Variants in SYNRG observed in about 807,000 individuals in gnomAD.
The protein encoded by SYNRG is AP1 gamma subunit binding protein 1.
SYNRG carries 37 observed loss-of-function variants against 130.9 expected under a neutral mutation model. The ratio of observed to expected loss-of-function variants is 0.28; its 90% CI spans 0.22 to 0.37. The LOEUF (loss-of-function observed/expected upper bound fraction) is 0.37. Ranked by LOEUF, SYNRG falls within the 10% of genes least tolerant of loss-of-function variation. The pLI, the probability that SYNRG is intolerant of heterozygous loss-of-function variation, is 1.00. For missense variants in SYNRG, 1,338 were observed against 1,588.9 expected (o/e 0.84, Z 2.68); for synonymous variants, 539 against 568.1 (o/e 0.95, Z 0.73).
chr17:37,530,736 G>A (rs917416286), intron 19 of SYNRG, among the ~76,000 whole-genome samples: 3 of 152,188 alleles, frequency 2.0e-5, no homozygotes, highest in African/African-American at 7.2e-5. Flanking sequence ...AGGATAAGTA[G>A]TAAACTACCC....
At position 37,568,924 on chromosome 17, in the gene SYNRG, C is replaced by A. The variant is rs1229006522; in HGVS notation, c.1348G>T (p.Val450Leu). The A allele has an allele frequency of 8.1e-6, 13 of 1,611,858 alleles. No individual in the cohort carries two copies. Among genetic ancestry groups the A allele is most frequent in the Non-Finnish European group, 1.1e-5 (13 of 1,179,146 alleles). ...GFIPTYPANQ[V>L]VKPEEDDFQD... ...AAGTCATCTTCTTCTGGCTTTACTA[C>A]CTAGGTTTATAAAGGTCATTTAAAT... is the stretch of plus-strand genomic sequence containing the variant. Residue 450 changes from valine (V) to leucine (L), a missense_variant and splice_region_variant, in exon 11 of 22, where the codon GTA (valine) becomes TTA (leucine). Val to Leu is a conservative substitution (Grantham distance 32). Around this residue, in one of 3 missense-constraint regions of SYNRG, gnomAD observed 1,146 missense variants for 1,342.3 expected, o/e 0.85. Transcript: ENST00000612223.
At chr17:37,556,650 A>G (rs575140632) in intron 13 of SYNRG, among the ~76,000 whole-genome samples, 1 of 152,210 alleles carries the variant, frequency 6.6e-6, no homozygotes, top group Admixed American at 6.5e-5. Context: ...GAATTCATCT[A>G]ATAAGAGAGG....
intron 14 of SYNRG, among the ~76,000 whole-genome samples, chr17:37,545,079 C>G (rs2058153842): frequency 6.6e-6 from 1 of 151,860 alleles, no homozygotes; most frequent in South Asian, 2.1e-4. Context: ...ATTAGCTGGG[C>G]ATGGTGGTGC....
chr17:37,531,318 A>G (rs1383823131), intron 19 of SYNRG, among the ~76,000 whole-genome samples: 1 of 152,200 alleles, frequency 6.6e-6, no homozygotes, highest in Non-Finnish European at 1.5e-5. Flanking sequence ...AGAAGTGGGC[A>G]AGGGTAACAA....
chr17:37,605,694 TTAA>T, intron 1 of SYNRG: 1 of 353,924 alleles, frequency 2.8e-6, no homozygotes, highest in Non-Finnish European at 4.0e-6. Flanking sequence ...AGTTAAGGCA[TTAA>T]TAAGACAGTA....
Position 37,553,759 on chromosome 17 carries a change from A to C in SYNRG, c.1964T>G (p.Met655Arg). ...AGTTTTTGTTGCTGCCAATGCTGTC[A>C]TAGTAGCAGCAGAACCTGTTGACTG... ...TPQSTGSAAT[M>R]TALAATKTSS... The change falls in exon 14 of 22, where the codon ATG (methionine) becomes AGG (arginine). Residue 655 changes from methionine (M) to arginine (R), a missense_variant. Met to Arg is a moderately conservative substitution (Grantham distance 91, BLOSUM62 -1). Coordinates refer to ENST00000612223, the MANE Select transcript of SYNRG (RefSeq NM_007247.6). 1 of 1,612,646 alleles carries C rather than the reference A, an allele frequency of 6.2e-7. No homozygotes were observed. Among genetic ancestry groups the C allele is most frequent in the Non-Finnish European group, 8.5e-7 (1 of 1,179,722 alleles).
chr17:37,550,245 T>C (rs1269460828), intron 14 of SYNRG, among the ~76,000 whole-genome samples: 1 of 152,212 alleles, frequency 6.6e-6, no homozygotes, highest in Non-Finnish European at 1.5e-5. Context: ...TCATGTAAAG[T>C]AGTGTAAGGT....
intron 18 of SYNRG, 115 bp from the exon 19 acceptor site, chr17:37,536,242 G>C (rs2057182804): frequency 3.2e-6 from 4 of 1,238,324 alleles, no homozygotes; most frequent in Non-Finnish European, 3.3e-6. Flanking sequence ...TATCTGGACA[G>C]AGGTGTACTT....
chr17:37,580,746 G>A (rs113432163), intron 6 of SYNRG, among the ~76,000 whole-genome samples: 2 of 152,092 alleles, frequency 1.3e-5, no homozygotes, highest in East Asian at 3.9e-4. Context: ...TTTTGGCCAG[G>A]CTGGTCTTGA....
chr17:37,520,734 G>GC (rs2054910968), intron 19 of SYNRG, 86 bp from the exon 20 acceptor site: 1 of 1,116,556 alleles, frequency 9.0e-7, no homozygotes, highest in Non-Finnish European at 1.4e-6. Context: ...CCCCCAGCAG[G>GC]CCTAGCGGCA....
intron 1 of SYNRG, among the ~76,000 whole-genome samples, chr17:37,604,555 C>T (rs534118891): frequency 1.8e-4 from 27 of 152,342 alleles, no homozygotes; most frequent in Admixed American, 1.8e-3. Flanking sequence ...CCAGACCACT[C>T]ACCCTTTTTC....
chr17:37,587,396 A>C lies in SYNRG; in HGVS notation c.241-847T>G, dbSNP rs529625194. Among the ~76,000 whole-genome samples, 3 of 152,264 alleles carry C rather than the reference A, an allele frequency of 2.0e-5. No homozygotes were observed. The South Asian group carries it at 6.2e-4, about 32-fold the overall frequency. On this transcript the variant is annotated intron_variant, in intron 3 of 21. Coordinates refer to ENST00000612223, the MANE Select transcript of SYNRG (RefSeq NM_007247.6). ...TGAGTGAAAACTCTTCTACTACTCA[A>C]CCTTCTCCCTGAAAAGTTCCTCTTC...
chr17:37,564,592 A>T (rs1202048487), intron 11 of SYNRG, among the ~76,000 whole-genome samples: 2 of 152,210 alleles, frequency 1.3e-5, no homozygotes, highest in Non-Finnish European at 2.9e-5. Flanking sequence ...AATGTTCTCC[A>T]TCCCGGTCTA....
At chr17:37,587,051 GA>G (rs2061745586) in intron 3 of SYNRG, among the ~76,000 whole-genome samples, 1 of 152,106 alleles carries the variant, frequency 6.6e-6, no homozygotes, top group Non-Finnish European at 1.5e-5. Flanking sequence ...AACTTTTATA[GA>G]AAATGACACA....
At chr17:37,541,403 G>A in intron 15 of SYNRG, 1 of 279,252 alleles carries the variant, frequency 3.6e-6, no homozygotes, top group South Asian at 1.3e-4. Flanking sequence ...CCTACAGGGA[G>A]TGGTGCTCTT....
chr17:37,570,639 G>T lies in SYNRG; in HGVS notation c.1345C>A (p.Gln449Lys). 1 of 1,609,882 alleles carries T rather than the reference G, an allele frequency of 6.2e-7. No homozygotes were observed. Among genetic ancestry groups the T allele is most frequent in the South Asian group, 1.1e-5 (1 of 90,570 alleles). ...ATATGCACAGCTTCGCCATTTACCT[G>T]ATTTGCAGGGTAGGTTGGTATGAAA... is the stretch of plus-strand genomic sequence containing the variant. ...SGFIPTYPAN[Q>K]VVKPEEDDFQ... The change falls in exon 10 of 22, where the codon CAG becomes AAG. Residue 449 changes from glutamine (Q) to lysine (K), a missense_variant and splice_region_variant. Gln to Lys is a moderately conservative substitution (Grantham distance 53). Coordinates refer to ENST00000612223, the MANE Select transcript of SYNRG (RefSeq NM_007247.6).
chr17:37,553,130 G>A lies in SYNRG; in HGVS notation c.2593C>T (p.His865Tyr). Reference sequence around the variant, plus strand: ...AATTCCTCACCTGCAGCAGGAGGATGCTGGCCACTAACTGTTGGTAAATCC... The same window carrying A: ...AATTCCTCACCTGCAGCAGGAGGATACTGGCCACTAACTGTTGGTAAATCC... ...SLDLPTVSGQ[H>Y]PPAADIEDLK... Residue 865 changes from histidine (H) to tyrosine (Y), a missense_variant, in exon 14 of 22, where the codon CAT (histidine) becomes TAT (tyrosine). By Grantham distance (83) the His-to-Tyr change is moderately conservative. Around this residue, in one of 3 missense-constraint regions of SYNRG, gnomAD observed 1,146 missense variants for 1,342.3 expected, o/e 0.85. Coordinates refer to ENST00000612223, the MANE Select transcript of SYNRG (RefSeq NM_007247.6). The A allele has an allele frequency of 6.2e-7, 1 of 1,612,636 alleles. No individual in the cohort carries two copies. The highest frequency in any genetic ancestry group is 8.5e-7 in the Non-Finnish European group (1 of 1,179,622).
chr17:37,597,372 T>A (rs1287853817), intron 2 of SYNRG, among the ~76,000 whole-genome samples: 1 of 152,216 alleles, frequency 6.6e-6, no homozygotes, highest in East Asian at 1.9e-4. Flanking sequence ...TAATAAAATG[T>A]TTACTTTTTA....
In SYNRG at chr17:37,516,643, CA is replaced by C. The variant is rs1247525640; in HGVS notation, c.*2296del. 1.3e-5 allele frequency: 2 copies of C among 149,706 alleles called. No homozygotes were observed. The highest frequency in any genetic ancestry group is 3.0e-5 in the Non-Finnish European group (2 of 67,394). The allele number at this position is 149,706 out of a possible 1,614,324, so 9.3% of individuals were successfully genotyped here. On this transcript the variant is annotated 3_prime_UTR_variant, in exon 22 of 22. Transcript: ENST00000612223. ...ATTTCAAAAAAATGCTTCAGCAATA[CA>C]AATTCAAACTGGGAAACTTTTTTTT...
Sources: gnomAD v4.1 joint callset for allele counts (sites outside exome capture counted in the v4.1 genomes callset) on GRCh38, gnomAD v4.1.1 for gene constraint, gnomAD v4.1.1 regional missense constraint, MANE v1.5 for transcripts, NCBI Gene and HGNC (gene_info 2026-07-23, HGNC 2026-07-21) for gene names.